Variants in OR1J2 observed in about 807,000 individuals in gnomAD.
OR1J2 encodes the protein olfactory receptor 1J2.
For synonymous variants in OR1J2, 142 were observed against 99.7 expected (o/e 1.42, Z -2.52); for missense variants, 304 against 246.1 (o/e 1.24, Z -1.57).
chr9:122,531,311 C>T, the OR1J2 span, among the ~76,000 whole-genome samples: 3 of 152,190 alleles, frequency 2.0e-5, no homozygotes, highest in Non-Finnish European at 2.9e-5. Context: ...TTAAGAGTGG[C>T]GGTTTGGGGA....
the OR1J2 span, among the ~76,000 whole-genome samples, chr9:122,556,202 T>C: frequency 1.3e-5 from 2 of 152,220 alleles, no homozygotes; most frequent in Non-Finnish European, 2.9e-5. Context: ...CATAGCTTGA[T>C]AGTTCATTTC....
the OR1J2 span, among the ~76,000 whole-genome samples, chr9:122,465,545 G>A: frequency 1.6e-4 from 24 of 152,206 alleles, no homozygotes; most frequent in Non-Finnish European, 5.9e-5. Flanking sequence ...GTCATACTGG[G>A]GGGCATTTGA....
the OR1J2 span, among the ~76,000 whole-genome samples, chr9:122,535,604 G>T: frequency 6.6e-6 from 1 of 152,160 alleles, no homozygotes; most frequent in Non-Finnish European, 1.5e-5. Flanking sequence ...CCGCTTACCG[G>T]ATTTGAAATT....
chr9:122,548,103 C>G, the OR1J2 span, among the ~76,000 whole-genome samples: 1,476 of 152,166 alleles, frequency 9.7e-3, 27 homozygotes, highest in African/African-American at 0.034. Context: ...TTGCTCAAAG[C>G]AGAAGTATAC....
the OR1J2 span, among the ~76,000 whole-genome samples, chr9:122,577,766 G>T: frequency 6.6e-6 from 1 of 152,148 alleles, no homozygotes; most frequent in East Asian, 1.9e-4. Context: ...TTATCCAAAG[G>T]AAACAGTTGA....
the OR1J2 span, chr9:122,568,444 C>A: frequency 2.5e-6 from 4 of 1,608,462 alleles, no homozygotes; most frequent in Non-Finnish European, 3.4e-6. Context: ...AGGATAAACT[C>A]GGAGACACTG....
the OR1J2 span, among the ~76,000 whole-genome samples, chr9:122,575,023 C>A: frequency 6.6e-6 from 1 of 151,960 alleles, no homozygotes; most frequent in Non-Finnish European, 1.5e-5. Context: ...AATGTTGAAC[C>A]AGGCTTGCAT....
At chr9:122,513,001 A>C (rs1272899011), downstream of OR1J2, among the ~76,000 whole-genome samples, 1 of 152,244 alleles carries the variant, frequency 6.6e-6, no homozygotes, top group Admixed American at 6.5e-5. Flanking sequence ...ATGATTTCAG[A>C]AAAACTATAA....
At chr9:122,545,183 T>TAC in the OR1J2 span, among the ~76,000 whole-genome samples, 2,745 of 152,214 alleles carry the variant, frequency 0.018, 94 homozygotes, top group African/African-American at 0.063. Flanking sequence ...CTTAGTTGGA[T>TAC]ATAATATTAT....
chr9:122,526,671 G>T, the OR1J2 span: 2 of 1,614,064 alleles, frequency 1.2e-6, no homozygotes, highest in African/African-American at 1.3e-5. Flanking sequence ...GCATAAAAAG[G>T]GGACGATGAG....
the OR1J2 span, among the ~76,000 whole-genome samples, chr9:122,493,017 AC>A: frequency 5.9e-5 from 9 of 152,068 alleles, no homozygotes; most frequent in Non-Finnish European, 1.3e-4. Flanking sequence ...TTATTGACTT[AC>A]GTATGTTAAA....
At chr9:122,466,700 T>TC in the OR1J2 span, among the ~76,000 whole-genome samples, 5 of 152,144 alleles carry the variant, frequency 3.3e-5, no homozygotes, top group Admixed American at 2.0e-4. Flanking sequence ...CATTCCCAAC[T>TC]CCCCCATCTC....
chr9:122,472,310 G>A, the OR1J2 span, among the ~76,000 whole-genome samples: 3 of 152,160 alleles, frequency 2.0e-5, no homozygotes, highest in South Asian at 4.1e-4. Context: ...AGCAACTGAG[G>A]AATTAATTTT....
chr9:122,551,916 GA>G, the OR1J2 span, among the ~76,000 whole-genome samples: 3 of 152,200 alleles, frequency 2.0e-5, no homozygotes, highest in Non-Finnish European at 1.5e-5. Flanking sequence ...CTCTGAGTCA[GA>G]AAGGTCTCAG....
chr9:122,554,751 AAT>A, the OR1J2 span, among the ~76,000 whole-genome samples: 214 of 152,300 alleles, frequency 1.4e-3, 1 homozygote, highest in African/African-American at 4.9e-3. Context: ...AAAAAGAATT[AAT>A]ATATGTTATG....
At chr9:122,568,417 G>T in the OR1J2 span, 8 of 1,613,134 alleles carry the variant, frequency 5.0e-6, no homozygotes, top group African/African-American at 1.3e-5. Flanking sequence ...TCCTCAGGCC[G>T]GGAGGAGAGT....
the OR1J2 span, among the ~76,000 whole-genome samples, chr9:122,525,523 C>T: frequency 2.0e-5 from 3 of 152,118 alleles, no homozygotes; most frequent in East Asian, 5.8e-4. Flanking sequence ...TACCTTCAAA[C>T]ATCATTTTTT....
chr9:122,572,593 A>G, the OR1J2 span, among the ~76,000 whole-genome samples: 1 of 146,888 alleles, frequency 6.8e-6, no homozygotes, highest in African/African-American at 2.5e-5. Flanking sequence ...TTTTTTTTCT[A>G]CTAATAGGGT....
chr9:122,468,146 G>T, the OR1J2 span, among the ~76,000 whole-genome samples: 1 of 152,192 alleles, frequency 6.6e-6, no homozygotes, highest in African/African-American at 2.4e-5. Flanking sequence ...CTGTGAAAAA[G>T]ACAGTGTATA....
Sources: gnomAD v4.1 joint callset for allele counts (sites outside exome capture counted in the v4.1 genomes callset) on GRCh38, gnomAD v4.1.1 for gene constraint, MANE v1.5 for transcripts, NCBI Gene and HGNC (gene_info 2026-07-23, HGNC 2026-07-21) for gene names.